The following ARIH2 variants were observed in gnomAD, a reference collection of about 807,000 sequenced individuals.
ARIH2 encodes E3 ubiquitin-protein ligase ARIH2.
A neutral mutation model predicts 79.8 loss-of-function variants in ARIH2; 12 were observed. That is an observed-to-expected ratio of 0.15 (90% CI 0.10 to 0.24). ARIH2 has a LOEUF of 0.24. Ranked by LOEUF, ARIH2 falls within the 10% of genes least tolerant of loss-of-function variation. ARIH2 has a pLI of 1.00. For synonymous variants in ARIH2, 224 were observed against 213.9 expected (o/e 1.05, Z -0.41); for missense variants, 301 against 618.3 (o/e 0.49, Z 5.44).
intron 3 of ARIH2, among the ~76,000 whole-genome samples, chr3:48,958,139 A>G (rs1225840093): frequency 2.0e-5 from 3 of 152,216 alleles, no homozygotes; most frequent in Admixed American, 6.5e-5. Flanking sequence ...CCTGAGCAAC[A>G]TAATGAGACC....
At chr3:48,941,597 T>C (rs1236999967) in intron 3 of ARIH2, among the ~76,000 whole-genome samples, 1 of 149,966 alleles carries the variant, frequency 6.7e-6, no homozygotes, top group Admixed American at 6.6e-5. Context: ...TCTTTTCTTT[T>C]TTTTTTTTTT....
At chr3:48,934,328 T>C in intron 3 of ARIH2, 1 of 856,616 alleles carries the variant, frequency 1.2e-6, no homozygotes, top group South Asian at 5.4e-5. Context: ...GTGAAAACTT[T>C]AATTATTAAA....
intron 3 of ARIH2, chr3:48,934,573 A>C: frequency 1.0e-6 from 1 of 985,412 alleles, no homozygotes; most frequent in Non-Finnish European, 1.2e-6. Context: ...GCCTCTATCT[A>C]AGTAGAACTT....
intron 11 of ARIH2, 86 bp from the exon 12 acceptor site, chr3:48,979,396 A>G (rs1329921745): frequency 6.8e-7 from 1 of 1,465,096 alleles, no homozygotes; most frequent in East Asian, 2.3e-5. Flanking sequence ...CTTTGGGAGC[A>G]GGGTCTGTCT....
At chr3:48,919,250 A>G (rs2084383812) in intron 1 of ARIH2, 2 of 1,225,746 alleles carry the variant, frequency 1.6e-6, no homozygotes, top group South Asian at 8.4e-5. Flanking sequence ...CCTCTGACCA[A>G]CCGGCGCCGG....
At position 48,985,497 on chromosome 3, in the gene ARIH2, T is replaced by G. The variant is rs1484951154; in HGVS notation, c.*2227T>G. ...TGAGGCAATGTCATCTGCTCAAAGT[T>G]GAGTGGTTTATTCACAATAAACTGT... On this transcript the variant is annotated 3_prime_UTR_variant, in exon 16 of 16. Transcript: ENST00000356401. 6.6e-6 allele frequency: 1 copy of G among 152,222 alleles called. No homozygotes were observed. The highest frequency in any genetic ancestry group is 1.5e-5 in the Non-Finnish European group (1 of 68,042). The allele number at this position is 152,222 out of a possible 1,614,324, so 9.4% of individuals were successfully genotyped here.
At chr3:48,956,434 C>T (rs1187592745) in intron 3 of ARIH2, among the ~76,000 whole-genome samples, 6 of 135,316 alleles carry the variant, frequency 4.4e-5, no homozygotes, top group South Asian at 4.8e-4. Context: ...CCACTGCGCC[C>T]GGCACTTTTT....
chr3:48,949,245 G>A (rs1358303119), intron 3 of ARIH2: 1 of 377,908 alleles, frequency 2.6e-6, no homozygotes, highest in African/African-American at 2.1e-5. Context: ...AGCCTCCTGA[G>A]TAGCTGGGAC....
At chr3:48,980,587 G>A in intron 13 of ARIH2, 91 bp downstream of exon 13, 1 of 1,457,078 alleles carries the variant, frequency 6.9e-7, no homozygotes, top group East Asian at 2.3e-5. Flanking sequence ...GTTGAAAGAG[G>A]GTATTTTAGC....
rs139004355 is a variant in ARIH2, at chr3:48,938,700, G to A, written c.255+10887G>A. On this transcript the variant is annotated intron_variant, in intron 3 of 15. Transcript: ENST00000356401. ...ATGAAAGTAAAGGCACATGCATGTT[G>A]TAAACTAATAGTAACAAACAGAATG... 1.3e-3 allele frequency among the ~76,000 whole-genome samples: 192 copies of A among 152,084 alleles called. No individual in the cohort carries two copies. In the Middle Eastern group the frequency reaches 0.024, roughly 19 times the overall value.
chr3:48,943,928 G>A (rs1052676367), intron 3 of ARIH2, among the ~76,000 whole-genome samples: 1 of 152,126 alleles, frequency 6.6e-6, no homozygotes, highest in African/African-American at 2.4e-5. Flanking sequence ...TGGACAGGAT[G>A]GGCTGTGGCT....
At chr3:48,978,421 A>ATGTGTGTGTGTGTGTGTG (rs1188251261) in intron 11 of ARIH2, among the ~76,000 whole-genome samples, 1 of 55,760 alleles carries the variant, frequency 1.8e-5, no homozygotes, top group Non-Finnish European at 3.4e-5. Flanking sequence ...TAATTTGTGT[A>ATGTGTGTGTGTGTGTGTG]TGTGTGTGTG....
intron 3 of ARIH2, among the ~76,000 whole-genome samples, chr3:48,931,234 C>T (rs966283360): frequency 2.0e-5 from 3 of 152,100 alleles, no homozygotes; most frequent in African/African-American, 2.4e-5. Context: ...GCTACAGGTG[C>T]GTGCAACTAA....
At chr3:48,959,656 A>AG (rs1414593875) in intron 3 of ARIH2, among the ~76,000 whole-genome samples, 1 of 128,178 alleles carries the variant, frequency 7.8e-6, no homozygotes, top group Non-Finnish European at 1.9e-5. Context: ...TACCAAAAAA[A>AG]AAAAAAAAAA....
chr3:48,936,424 T>G (rs558983578), intron 3 of ARIH2, among the ~76,000 whole-genome samples: 2 of 152,344 alleles, frequency 1.3e-5, no homozygotes, highest in Admixed American at 6.5e-5. Context: ...TTTATAAAGT[T>G]TAAATCTTTA....
At position 48,927,482 on chromosome 3, in the gene ARIH2, T is replaced by C; in HGVS notation, c.-77T>C. On this transcript the variant is annotated 5_prime_UTR_variant, in exon 3 of 16. Transcript: ENST00000356401. ...CTTAGAAGACAAAAATACTAATGCA[T>C]TTGAGAAAGCGGTAGTTTTGGGGGG... 1.3e-6 allele frequency: 2 copies of C among 1,539,992 alleles called. No individual in the cohort carries two copies. Among genetic ancestry groups the C allele is most frequent in the Non-Finnish European group, 1.7e-6 (2 of 1,143,566 alleles).
At chr3:48,945,481 A>C (rs1363828272) in intron 3 of ARIH2, among the ~76,000 whole-genome samples, 3 of 152,206 alleles carry the variant, frequency 2.0e-5, no homozygotes, top group Admixed American at 2.0e-4. Context: ...TGGGGTGTCA[A>C]ATAATAACTG....
intron 11 of ARIH2, among the ~76,000 whole-genome samples, chr3:48,978,256 A>ATT (rs548878345): frequency 5.2e-5 from 7 of 133,754 alleles, no homozygotes; most frequent in African/African-American, 8.2e-5. Flanking sequence ...CATATAGGGG[A>ATT]TTTTTTTTTT....
At chr3:48,981,016 CAAAAA>C (rs34533467) in intron 13 of ARIH2, among the ~76,000 whole-genome samples, 5 of 30,132 alleles carry the variant, frequency 1.7e-4, no homozygotes, top group Non-Finnish European at 2.3e-4. Context: ...GCAAGACTGT[CAAAAA>C]AAAAAAAAAA....
Sources: gnomAD v4.1 joint callset for allele counts (sites outside exome capture counted in the v4.1 genomes callset) on GRCh38, gnomAD v4.1.1 for gene constraint, MANE v1.5 for transcripts, NCBI Gene and HGNC (gene_info 2026-07-23, HGNC 2026-07-21) for gene names.